Variants in ZCCHC17 observed in about 807,000 individuals in gnomAD.
The protein encoded by ZCCHC17 is zinc finger CCHC-type containing 17, also known as zinc finger CCHC domain-containing protein 17.
ZCCHC17 carries 18 observed loss-of-function variants against 30.6 expected under a neutral mutation model. That is an observed-to-expected ratio of 0.59 (90% CI 0.41 to 0.87). The LOEUF is 0.87. ZCCHC17 is among the 40% of genes least tolerant of loss of function. The pLI is 0.00. For missense variants in ZCCHC17, 263 were observed against 284.2 expected, an observed-to-expected ratio of 0.93 and a Z score of 0.54; for synonymous variants, 88 against 92.4, an observed-to-expected ratio of 0.95 and a Z score of 0.27.
intron 3 of ZCCHC17, among the ~76,000 whole-genome samples, chr1:31,325,126 C>G (rs1266159223): frequency 6.6e-6 from 1 of 152,150 alleles, no homozygotes; most frequent in African/African-American, 2.4e-5. Context: ...GTTGGGATGA[C>G]CTGCCTGCAG....
intron 5 of ZCCHC17, among the ~76,000 whole-genome samples, chr1:31,344,256 G>A (rs1639159665): frequency 6.6e-6 from 1 of 152,122 alleles, no homozygotes; most frequent in Non-Finnish European, 1.5e-5. Context: ...CTTCCAAAGT[G>A]CTGAGAGATT....
intron 5 of ZCCHC17, among the ~76,000 whole-genome samples, chr1:31,344,304 CT>C (rs771669614): frequency 3.3e-5 from 5 of 152,104 alleles, no homozygotes; most frequent in African/African-American, 4.8e-5. Flanking sequence ...ATAGGGTAGT[CT>C]TTAGAAAAAG....
At chr1:31,335,330 G>C (rs1421707162) in intron 3 of ZCCHC17, among the ~76,000 whole-genome samples, 1 of 152,166 alleles carries the variant, frequency 6.6e-6, no homozygotes, top group Non-Finnish European at 1.5e-5. Flanking sequence ...TGGACAGACA[G>C]GAAAAGGATG....
chr1:31,320,044 C>T (rs1033502751), intron 3 of ZCCHC17, among the ~76,000 whole-genome samples: 1 of 151,848 alleles, frequency 6.6e-6, no homozygotes, highest in Non-Finnish European at 1.5e-5. Flanking sequence ...GGAAAAGGTG[C>T]CAAGGATATG....
intron 1 of ZCCHC17, among the ~76,000 whole-genome samples, chr1:31,301,314 GA>G (rs1392812588): frequency 1.3e-5 from 2 of 151,960 alleles, no homozygotes; most frequent in Non-Finnish European, 2.9e-5. Context: ...ACAAAGGGAG[GA>G]AAAAAATGTC....
chr1:31,326,280 G>C (rs1171878913), intron 3 of ZCCHC17, among the ~76,000 whole-genome samples: 1 of 151,940 alleles, frequency 6.6e-6, no homozygotes, highest in Non-Finnish European at 1.5e-5. Context: ...TTTTTTTTAA[G>C]TTTTTTCTGT....
Position 31,346,751 on chromosome 1 carries a change from G to A in ZCCHC17, c.418+11G>A. On this transcript the variant is annotated intron_variant, in intron 6 of 7. Coordinates refer to ENST00000344147, the MANE Select transcript of ZCCHC17 (RefSeq NM_016505.4). ...AGTGTGGCTGTAAAGGTAGGGTGAA[G>A]CCTCTGCCCTTTCCACGTTTCTCTC... 3 of 1,614,126 alleles carry A rather than the reference G, an allele frequency of 1.9e-6. No individual in the cohort carries two copies. Among genetic ancestry groups the A allele is most frequent in the Admixed American group, 1.7e-5 (1 of 60,000 alleles).
chr1:31,325,278 C>T (rs759181332), intron 3 of ZCCHC17, among the ~76,000 whole-genome samples: 1 of 152,234 alleles, frequency 6.6e-6, no homozygotes, highest in Non-Finnish European at 1.5e-5. Flanking sequence ...CCTTGCTTAC[C>T]CTCCAGTTGT....
chr1:31,298,024 G>A (rs1646209731), intron 1 of ZCCHC17, among the ~76,000 whole-genome samples: 1 of 152,262 alleles, frequency 6.6e-6, no homozygotes, highest in African/African-American at 2.4e-5. Context: ...CCAGTGGGGT[G>A]TGGTGGAGGA....
chr1:31,316,946 G>A (rs965684476), intron 2 of ZCCHC17, among the ~76,000 whole-genome samples: 2 of 151,526 alleles, frequency 1.3e-5, no homozygotes, highest in African/African-American at 4.8e-5. Flanking sequence ...ATTGAAGTGA[G>A]TAATGATGAT....
At chr1:31,349,724 T>C (rs1304691071) in intron 7 of ZCCHC17, among the ~76,000 whole-genome samples, 1 of 152,210 alleles carries the variant, frequency 6.6e-6, no homozygotes, top group Non-Finnish European at 1.5e-5. Flanking sequence ...AGTTTATACC[T>C]TTTTTTCATT....
intron 7 of ZCCHC17, among the ~76,000 whole-genome samples, chr1:31,358,458 T>C (rs1320386025): frequency 6.6e-6 from 1 of 152,194 alleles, no homozygotes; most frequent in Non-Finnish European, 1.5e-5. Flanking sequence ...AGTTGATAGA[T>C]AATCCAGATG....
At chr1:31,323,271 G>A (rs1646902846) in intron 3 of ZCCHC17, among the ~76,000 whole-genome samples, 1 of 152,076 alleles carries the variant, frequency 6.6e-6, no homozygotes, top group African/African-American at 2.4e-5. Flanking sequence ...TTTCCAAAAT[G>A]TCACCATTGG....
At chr1:31,347,958 G>A (rs1639335036) in intron 6 of ZCCHC17, among the ~76,000 whole-genome samples, 1 of 152,076 alleles carries the variant, frequency 6.6e-6, no homozygotes, top group East Asian at 1.9e-4. Context: ...CCCTAAGACA[G>A]GATCTACCAC....
intron 1 of ZCCHC17, among the ~76,000 whole-genome samples, chr1:31,303,121 CA>C (rs576910578): frequency 2.8e-3 from 379 of 137,338 alleles, no homozygotes; most frequent in Middle Eastern, 3.7e-3. Flanking sequence ...TACCCCCCCT[CA>C]AAAAAAAAAA....
chr1:31,342,582 G>A (rs1489134889), intron 5 of ZCCHC17, among the ~76,000 whole-genome samples: 2 of 152,164 alleles, frequency 1.3e-5, no homozygotes, highest in Non-Finnish European at 2.9e-5. Context: ...TCCCTCACAT[G>A]TGCAGGTCAC....
At chr1:31,336,832 G>GTT (rs11345442) in intron 3 of ZCCHC17, among the ~76,000 whole-genome samples, 1 of 144,172 alleles carries the variant, frequency 6.9e-6, no homozygotes. Flanking sequence ...GCCTGGCCAG[G>GTT]TTTTTTTTTT....
intron 2 of ZCCHC17, among the ~76,000 whole-genome samples, chr1:31,317,514 T>C (rs1369013778): frequency 6.6e-6 from 1 of 152,248 alleles, no homozygotes; most frequent in Non-Finnish European, 1.5e-5. Context: ...AATGGGAACT[T>C]AGGCCCTGAA....
At chr1:31,334,323 CTCTCTCTCTCTCTCTGTGTG>C (rs1235165727) in intron 3 of ZCCHC17, among the ~76,000 whole-genome samples, 15 of 59,514 alleles carry the variant, frequency 2.5e-4, no homozygotes, top group Non-Finnish European at 3.8e-4. Context: ...CTCTCTCTCT[CTCTCTCTCTCTCTCTGTGTG>C]TGTGTGTGTG....
Sources: gnomAD v4.1 joint callset for allele counts (sites outside exome capture counted in the v4.1 genomes callset) on GRCh38, gnomAD v4.1.1 for gene constraint, MANE v1.5 for transcripts, NCBI Gene and HGNC (gene_info 2026-07-23, HGNC 2026-07-21) for gene names.